Variants in TULP1 observed in about 807,000 individuals in gnomAD.
TULP1 encodes TUB like protein 1, also known as tubby-related protein 1.
Under a neutral mutation model 67.1 loss-of-function variants are expected in TULP1, and 50 were observed. The ratio of observed to expected loss-of-function variants is 0.75; its 90% CI spans 0.59 to 0.94. The LOEUF (loss-of-function observed/expected upper bound fraction) is 0.94. Among genes scored for constraint, TULP1 ranks in the 40% least tolerant of loss-of-function variants. TULP1 has a pLI of 0.00. For synonymous variants in TULP1, 297 were observed against 294.0 expected (o/e 1.01, Z -0.11); for missense variants, 746 against 734.1 (o/e 1.02, Z -0.19).
chr6:35,512,581 G>A (rs966494667), intron 2 of TULP1, 58 bp downstream of exon 2: 11 of 1,610,790 alleles, frequency 6.8e-6, no homozygotes, highest in Admixed American at 3.3e-5. Context: ...CCTACCCTGC[G>A]TGGGTTTACG....
intron 6 of TULP1, 22 bp from the exon 7 acceptor site, chr6:35,509,772 C>A (rs147382866): frequency 1.2e-6 from 2 of 1,613,636 alleles, no homozygotes; most frequent in African/African-American, 2.7e-5. Flanking sequence ...GATGTGAAAG[C>A]GTCACAACCC....
At chr6:35,502,636 T>C (rs1316522442) in intron 13 of TULP1, among the ~76,000 whole-genome samples, 1 of 151,742 alleles carries the variant, frequency 6.6e-6, no homozygotes, top group Admixed American at 6.6e-5. Flanking sequence ...ACAGGTGAGA[T>C]TACAGTTGCC....
intron 11 of TULP1, 186 bp from the exon 12 acceptor site, chr6:35,504,034 C>A (rs1424993698): frequency 1.7e-6 from 1 of 572,000 alleles, no homozygotes. Flanking sequence ...GCTGGCCCAA[C>A]CCAGGGCATG....
At position 35,503,883 on chromosome 6, in the gene TULP1, G is replaced by C; in HGVS notation, c.1113-35C>G. The C allele has an allele frequency of 6.5e-7, 1 of 1,528,382 alleles. No individual in the cohort carries two copies. The allele number at this position is 1,528,382 out of a possible 1,614,324, so 94.7% of individuals were successfully genotyped here. ...GGGTAGAGCTTGGGGTGGGGCTGAGGGGATCCTACATCCCTGCCCCAGGCC... is the reference window on the plus strand; with the variant it reads ...GGGTAGAGCTTGGGGTGGGGCTGAGCGGATCCTACATCCCTGCCCCAGGCC... On this transcript the variant is annotated intron_variant, in intron 11 of 14. Coordinates refer to ENST00000229771, the MANE Select transcript of TULP1 (RefSeq NM_003322.6). The surrounding 1 kb of genome is among the most constrained non-coding windows in gnomAD (Gnocchi z 4.0).
Position 35,506,180 on chromosome 6 carries a change from G to T in TULP1, c.829-7C>A. On this transcript the variant is annotated splice_polypyrimidine_tract_variant and splice_region_variant and intron_variant, in intron 9 of 14. Coordinates refer to ENST00000229771, the MANE Select transcript of TULP1 (RefSeq NM_003322.6). ...ACGGGGCCCTCTCCTCCTTCTGGGT[G>T]GGGGCAGAGGGTACATCAGCCCCAG... 1 of 1,613,310 alleles carries T rather than the reference G, an allele frequency of 6.2e-7. No homozygotes were observed. The highest frequency in any genetic ancestry group is 8.5e-7 in the Non-Finnish European group (1 of 1,179,724).
intron 4 of TULP1, 160 bp from the exon 5 acceptor site, chr6:35,511,170 G>A: frequency 6.8e-7 from 1 of 1,475,024 alleles, no homozygotes; most frequent in Admixed American, 2.1e-5. Flanking sequence ...CCAGAAGAAT[G>A]AGGGTGACTG....
Position 35,498,082 on chromosome 6 carries a change from G to A in TULP1, c.*245C>T, listed in dbSNP as rs545744658. The A allele has an allele frequency of 1.7e-5, 11 of 636,474 alleles. No individual in the cohort carries two copies. The South Asian group carries it at 1.8e-4, about 10-fold the overall frequency. 39.4% of individuals were successfully genotyped at this position (636,474 alleles called of 1,614,324 possible). On this transcript the variant is annotated 3_prime_UTR_variant, in exon 15 of 15. Coordinates refer to ENST00000229771, the MANE Select transcript of TULP1 (RefSeq NM_003322.6). This position sits in a 1 kb window ranked among gnomAD's most constrained non-coding sequence, Gnocchi z 6.7. ...GGGCACAGCGGCGCAGGCGAGCTCC[G>A]AGACCAGATGTGCGGCTCCAACTCC...
chr6:35,509,041 CTGTT>C (rs1460123997), intron 8 of TULP1, among the ~76,000 whole-genome samples, 164 bp downstream of exon 8: 2 of 152,154 alleles, frequency 1.3e-5, no homozygotes, highest in South Asian at 2.1e-4. Flanking sequence ...AACGCCTCCT[CTGTT>C]TGCACAAATC....
At position 35,498,040 on chromosome 6, in the gene TULP1, G is replaced by C. The variant is rs1410588690; in HGVS notation, c.*287C>G. 4 of 575,998 alleles carry C rather than the reference G, an allele frequency of 6.9e-6. 1 individual carries two copies. Among genetic ancestry groups the C allele is most frequent in the South Asian group, 6.2e-5 (3 of 48,656 alleles). The allele number at this position is 575,998 out of a possible 1,614,324, so 35.7% of individuals were successfully genotyped here. A position where few individuals can be genotyped will look rare whatever the true frequency, so the allele number is the denominator to read the frequency against. ...ACTGCTCCCGGACAGGAAGTGACTG[G>C]GGCGCGGGGAGGAGGGGGGCACAGC... On this transcript the variant is annotated 3_prime_UTR_variant, in exon 15 of 15. Transcript: ENST00000229771. This position sits in a 1 kb window ranked among gnomAD's most constrained non-coding sequence, Gnocchi z 6.7.
rs1222713808 is a variant in TULP1 at position 35,499,832 on chromosome 6, T to C, written c.1495+149A>G. 7 of 984,012 alleles carry C rather than the reference T, an allele frequency of 7.1e-6. No individual in the cohort carries two copies. The African/African-American group carries it at 1.1e-4, about 16-fold the overall frequency. 61.0% of individuals were successfully genotyped at this position (984,012 alleles called of 1,614,324 possible). On this transcript the variant is annotated intron_variant, in intron 14 of 14. Coordinates refer to ENST00000229771, the MANE Select transcript of TULP1 (RefSeq NM_003322.6). ...CTCCTGAGAGCACAGTGTCAGTGCC[T>C]ATGGAGGAGAGAGTGACCCTGTGGG...
At position 35,511,648 on chromosome 6, in the gene TULP1, C is replaced by G; in HGVS notation, c.349G>C (p.Glu117Gln). 6.3e-7 allele frequency: 1 copy of G among 1,592,954 alleles called. No individual in the cohort carries two copies. Reference protein sequence around the residue: ...LVARAPDAEDEEEEEEEDEED... With the variant: ...LVARAPDAEDQEEEEEEDEED... ...CCGCGTCCCTGGGGCCCTCTCTCAC[C>G]GTCCTCCGCGTCTGGGGCACGGGCT... The change falls in exon 4 of 15, where the codon GAG becomes CAG. Residue 117 changes from glutamate to glutamine, a missense_variant and splice_region_variant. Physicochemically the swap from Glu to Gln is conservative, Grantham distance 29. Around this residue, in one of 3 missense-constraint regions of TULP1, gnomAD observed 359 missense variants for 341.9 expected, o/e 1.05. Coordinates refer to ENST00000229771, the MANE Select transcript of TULP1 (RefSeq NM_003322.6).
chr6:35,501,842 G>A (rs1760970572), intron 13 of TULP1, among the ~76,000 whole-genome samples: 2 of 152,082 alleles, frequency 1.3e-5, no homozygotes, highest in South Asian at 4.1e-4. Context: ...AACAAGTCAT[G>A]TCACTCCTTT....
chr6:35,503,262 C>T lies in TULP1; in HGVS notation c.1323+297G>A, dbSNP rs940466997. On this transcript the variant is annotated intron_variant, in intron 13 of 14. Transcript: ENST00000229771. The surrounding 1 kb of genome is among the most constrained non-coding windows in gnomAD (Gnocchi z 4.0). Reference sequence around the variant, plus strand: ...CCAGGGGTGCAGATCTTTGTTTTGTCCACTGATGTCTTCCAGGTGCCTAGG... The same window carrying T: ...CCAGGGGTGCAGATCTTTGTTTTGTTCACTGATGTCTTCCAGGTGCCTAGG... 7.5e-6 allele frequency: 3 copies of T among 401,342 alleles called. No homozygotes were observed. Among genetic ancestry groups the T allele is most frequent in the African/African-American group, 6.2e-5 (3 of 48,608 alleles). The allele number at this position is 401,342 out of a possible 1,614,324, so 24.9% of individuals were successfully genotyped here.
In TULP1 at chr6:35,503,821, C is replaced by T. The variant is rs145986072; in HGVS notation, c.1140G>A (p.Thr380=). 27 of 1,611,756 alleles carry T rather than the reference C, an allele frequency of 1.7e-5. No individual in the cohort carries two copies. The highest frequency in any genetic ancestry group is 1.3e-5 in the African/African-American group (1 of 74,878). Residue 380 remains threonine, a synonymous_variant, in exon 12 of 15, where the codon ACG becomes ACA. Coordinates refer to ENST00000229771, the MANE Select transcript of TULP1 (RefSeq NM_003322.6). This position sits in a 1 kb window ranked among gnomAD's most constrained non-coding sequence, Gnocchi z 4.0. ...GTGGGTTCTGCCCGTTGTCAAAGACCGTGAAGCGGTTCCCCAGGAGGTTGG... is the reference window on the plus strand; with the variant it reads ...GTGGGTTCTGCCCGTTGTCAAAGACTGTGAAGCGGTTCCCCAGGAGGTTGG... ...LRSNLLGNRF[T]VFDNGQNPQR...
rs1165972072 is a variant in TULP1, at chr6:35,498,172, G to A, written c.*155C>T. ...CTCCTGCCTCGGCCTGTGCCAGGCTGGGGAGAGGACGGAGGTCACCGAGAG... is the reference window on the plus strand; with the variant it reads ...CTCCTGCCTCGGCCTGTGCCAGGCTAGGGAGAGGACGGAGGTCACCGAGAG... On this transcript the variant is annotated 3_prime_UTR_variant, in exon 15 of 15. Transcript: ENST00000229771. The surrounding 1 kb of genome is among the most constrained non-coding windows in gnomAD (Gnocchi z 6.7). 1.9e-5 allele frequency: 24 copies of A among 1,263,976 alleles called. No individual in the cohort carries two copies. Among genetic ancestry groups the A allele is most frequent in the Non-Finnish European group, 2.6e-5 (24 of 924,428 alleles). 78.3% of individuals were successfully genotyped at this position (1,263,976 alleles called of 1,614,324 possible).
In TULP1 at chr6:35,511,567, C is replaced by T. The variant is rs1016996663; in HGVS notation, c.349+81G>A. ...TTGACTACAGTTGTTTTCTGCCTCT[C>T]TGGGCCGTTCCCGTCCAGCCAGCCC... On this transcript the variant is annotated intron_variant, in intron 4 of 14. Coordinates refer to ENST00000229771, the MANE Select transcript of TULP1 (RefSeq NM_003322.6). 4.5e-6 allele frequency: 7 copies of T among 1,548,156 alleles called. No homozygotes were observed. The African/African-American group carries it at 9.6e-5, about 21-fold the overall frequency.
chr6:35,511,715 G>A lies in TULP1; in HGVS notation c.282C>T (p.Asp94=). Residue 94 remains aspartate (D), a synonymous_variant, in exon 4 of 15, where the codon GAC becomes GAT. Transcript: ENST00000229771. ...GGGGGTCGCGCTTCTTGGCCTCGGG[G>A]TCCCTGAGGAACCTGGCGTAGACCG... ...PQTVYARFLR[D]PEAKKRDPRE... is the part of the protein sequence containing the mutation. 6.3e-7 allele frequency: 1 copy of A among 1,593,480 alleles called. No individual in the cohort carries two copies. Among genetic ancestry groups the A allele is most frequent in the Non-Finnish European group, 8.5e-7 (1 of 1,170,186 alleles).
In TULP1 at chr6:35,509,825, A is replaced by C. The variant is rs1239162611; in HGVS notation, c.601+2T>G. ...CCCTGTTCCTCCCTAGGCTGGGCTC[A>C]CCTTTCTTCTTGGTCTTTCTCATCT... On this transcript the variant is annotated splice_donor_variant, in intron 6 of 14. Transcript: ENST00000229771. LOFTEE classifies it high-confidence loss of function. 1 of 1,613,866 alleles carries C rather than the reference A, an allele frequency of 6.2e-7. No individual in the cohort carries two copies. The highest frequency in any genetic ancestry group is 1.1e-5 in the South Asian group (1 of 91,066).
In TULP1 at chr6:35,509,327, G is replaced by T. The variant is rs764244627; in HGVS notation, c.719-15C>A. 1 of 1,612,528 alleles carries T rather than the reference G, an allele frequency of 6.2e-7. No individual in the cohort carries two copies. The highest frequency in any genetic ancestry group is 1.1e-5 in the South Asian group (1 of 91,030). Reference sequence around the variant, plus strand: ...TTTGGGAGTGCCTGAGCGTGGAGGGGGAAACAAGGCTGTGAACTCCTCACC... The same window carrying T: ...TTTGGGAGTGCCTGAGCGTGGAGGGTGAAACAAGGCTGTGAACTCCTCACC... On this transcript the variant is annotated splice_polypyrimidine_tract_variant and intron_variant, in intron 7 of 14. Transcript: ENST00000229771.
Sources: gnomAD v4.1 joint callset for allele counts (sites outside exome capture counted in the v4.1 genomes callset) on GRCh38, gnomAD v4.1.1 for gene constraint, gnomAD v4.1.1 regional missense constraint, Gnocchi (gnomAD v3.1) non-coding constraint, MANE v1.5 for transcripts, NCBI Gene and HGNC (gene_info 2026-07-23, HGNC 2026-07-21) for gene names.